Variants in MYO5B observed in about 807,000 individuals in gnomAD.
The protein encoded by MYO5B is myosin VB.
A neutral mutation model predicts 229.3 loss-of-function variants in MYO5B; 143 were observed. The ratio of observed to expected loss-of-function variants is 0.62; its 90% CI spans 0.54 to 0.72. MYO5B has a LOEUF of 0.72. Among genes scored for constraint, MYO5B ranks in the 30% least tolerant of loss-of-function variants. The probability of loss-of-function intolerance (pLI) is 0.00; values close to 1 mark genes in which losing one functional copy is unlikely to be tolerated. For synonymous variants in MYO5B, 918 were observed against 885.2 expected (o/e 1.04, Z -0.66); for missense variants, 2,321 against 2,331.0 (o/e 1.00, Z 0.09).
intron 1 of MYO5B, among the ~76,000 whole-genome samples, chr18:50,089,591 A>T (rs2031402990): frequency 6.6e-6 from 1 of 151,432 alleles, no homozygotes; most frequent in African/African-American, 2.4e-5. Flanking sequence ...AAAAAAAAAA[A>T]TCAAAAAATT....
intron 14 of MYO5B, among the ~76,000 whole-genome samples, chr18:49,950,734 T>C (rs1486642550): frequency 6.6e-6 from 1 of 152,166 alleles, no homozygotes; most frequent in Non-Finnish European, 1.5e-5. Flanking sequence ...ATTTTATATA[T>C]TTCTACAATA....
chr18:50,138,169 C>T (rs2144281990), intron 1 of MYO5B, among the ~76,000 whole-genome samples: 1 of 152,150 alleles, frequency 6.6e-6, no homozygotes, highest in South Asian at 2.1e-4. Flanking sequence ...TAAAATATAC[C>T]CACAAGCACA....
chr18:49,924,934 A>G (rs932941579), intron 17 of MYO5B, among the ~76,000 whole-genome samples: 3 of 152,232 alleles, frequency 2.0e-5, no homozygotes, highest in Non-Finnish European at 4.4e-5. Flanking sequence ...ATTTCATGAA[A>G]AAAACAAAAA....
At chr18:49,900,217 T>C (rs548052060) in intron 21 of MYO5B, among the ~76,000 whole-genome samples, 97 of 152,364 alleles carry the variant, frequency 6.4e-4, no homozygotes, top group African/African-American at 2.3e-3. Flanking sequence ...ACAGCCACAA[T>C]AGCCACTGCC....
chr18:50,099,562 G>A (rs1278195793), intron 1 of MYO5B, among the ~76,000 whole-genome samples: 1 of 152,088 alleles, frequency 6.6e-6, no homozygotes, highest in East Asian at 1.9e-4. Flanking sequence ...TTGATTCTTG[G>A]GGTTCTACTA....
intron 1 of MYO5B, among the ~76,000 whole-genome samples, chr18:50,137,646 A>T (rs1365205550): frequency 6.6e-6 from 1 of 152,202 alleles, no homozygotes; most frequent in East Asian, 1.9e-4. Flanking sequence ...TACCCAGAGG[A>T]ATGTAAATCA....
chr18:49,998,873 G>A (rs563267366), intron 5 of MYO5B, among the ~76,000 whole-genome samples: 1 of 152,252 alleles, frequency 6.6e-6, no homozygotes, highest in South Asian at 2.1e-4. Flanking sequence ...TGTTTAATGG[G>A]TAAATAATTT....
chr18:49,891,199 C>T (rs117656092), intron 22 of MYO5B, among the ~76,000 whole-genome samples: 208 of 152,318 alleles, frequency 1.4e-3, no homozygotes, highest in African/African-American at 4.4e-3. Flanking sequence ...GGCCTGTGCA[C>T]GTGTGCCACA....
At chr18:49,914,170 T>C (rs1026623864) in intron 17 of MYO5B, among the ~76,000 whole-genome samples, 8 of 152,176 alleles carry the variant, frequency 5.3e-5, no homozygotes, top group African/African-American at 1.9e-4. Context: ...ACTGTGACAC[T>C]GGGGCTTCAG....
At chr18:50,161,335 GA>G (rs1361831089) in intron 1 of MYO5B, among the ~76,000 whole-genome samples, 1 of 152,186 alleles carries the variant, frequency 6.6e-6, no homozygotes. Context: ...AGTGAACCAA[GA>G]TAGTGCCACT....
At chr18:49,870,546 T>C (rs2144091488) in intron 27 of MYO5B, among the ~76,000 whole-genome samples, 1 of 152,318 alleles carries the variant, frequency 6.6e-6, no homozygotes, top group South Asian at 2.1e-4. Flanking sequence ...AAGGGATTAA[T>C]ATCTAGAATA....
intron 12 of MYO5B, among the ~76,000 whole-genome samples, chr18:49,960,395 G>A (rs578188030): frequency 3.9e-5 from 6 of 152,150 alleles, no homozygotes; most frequent in Admixed American, 6.5e-5. Flanking sequence ...GCCCAGCCAC[G>A]GCAAACCCAG....
chr18:50,062,271 G>A (rs995879930), intron 1 of MYO5B, among the ~76,000 whole-genome samples: 1 of 152,118 alleles, frequency 6.6e-6, no homozygotes, highest in Non-Finnish European at 1.5e-5. Flanking sequence ...TTGCAACAAC[G>A]CCTTGACCGG....
Position 49,864,397 on chromosome 18 carries a change from G to A in MYO5B, c.3604-17C>T, listed in dbSNP as rs2024371920. On this transcript the variant is annotated splice_polypyrimidine_tract_variant and intron_variant, in intron 27 of 39. Transcript: ENST00000285039. The stretch of plus-strand genomic sequence containing the variant: ...CTCTTGCCTCTGGAAGACAGCCCAA[G>A]GGCCGCTGCCATTACTCCCTGCCCT... The A allele has an allele frequency of 1.9e-6, 3 of 1,612,098 alleles. No individual in the cohort carries two copies. Among genetic ancestry groups the A allele is most frequent in the Middle Eastern group, 1.7e-4 (1 of 6,060 alleles).
intron 1 of MYO5B, among the ~76,000 whole-genome samples, chr18:50,121,222 C>T (rs1361815865): frequency 6.6e-6 from 1 of 152,208 alleles, no homozygotes; most frequent in African/African-American, 2.4e-5. Context: ...AGCGTGCCCA[C>T]GTGGTCTTCA....
chr18:49,963,236 A>G (rs1197281530), intron 10 of MYO5B, among the ~76,000 whole-genome samples: 1 of 152,132 alleles, frequency 6.6e-6, no homozygotes, highest in East Asian at 1.9e-4. Context: ...AAAACTAGAA[A>G]AAGTAATGAC....
At chr18:50,180,339 C>T (rs575761429) in intron 1 of MYO5B, among the ~76,000 whole-genome samples, 1 of 152,266 alleles carries the variant, frequency 6.6e-6, no homozygotes, top group East Asian at 1.9e-4. Flanking sequence ...TACCTCATTT[C>T]ATCAACAAGC....
chr18:50,040,685 C>G (rs2029986642), intron 2 of MYO5B, among the ~76,000 whole-genome samples: 1 of 152,130 alleles, frequency 6.6e-6, no homozygotes, highest in South Asian at 2.1e-4. Context: ...ATACACTCTC[C>G]CCCATTAACC....
chr18:49,914,582 C>G (rs1253425958), intron 17 of MYO5B, among the ~76,000 whole-genome samples: 1 of 151,860 alleles, frequency 6.6e-6, no homozygotes, highest in Admixed American at 6.6e-5. Flanking sequence ...GAGTTCAAGA[C>G]CAGCCTGGCC....
Sources: gnomAD v4.1 joint callset for allele counts (sites outside exome capture counted in the v4.1 genomes callset) on GRCh38, gnomAD v4.1.1 for gene constraint, MANE v1.5 for transcripts, NCBI Gene and HGNC (gene_info 2026-07-23, HGNC 2026-07-21) for gene names.